The following CADPS variants were observed in gnomAD, a reference collection of about 807,000 sequenced individuals.
CADPS encodes the protein calcium dependent secretion activator.
A neutral mutation model predicts 167.3 loss-of-function variants in CADPS; 57 were observed. The observed-to-expected ratio is 0.34, with a 90% CI of 0.28 to 0.42. The LOEUF (loss-of-function observed/expected upper bound fraction) is 0.42, where lower values mean the gene tolerates loss of function less well. CADPS is among the 20% of genes least tolerant of loss of function. CADPS has a pLI of 1.00. For missense variants in CADPS, 1,414 were observed against 1,738.1 expected, an observed-to-expected ratio of 0.81 and a Z score of 3.32; for synonymous variants, 676 against 635.3, an observed-to-expected ratio of 1.06 and a Z score of -0.96.
intron 17 of CADPS, among the ~76,000 whole-genome samples, chr3:62,509,854 T>C (rs1387722149): frequency 6.6e-6 from 1 of 152,138 alleles, no homozygotes; most frequent in Non-Finnish European, 1.5e-5. Flanking sequence ...AGGCAAAAAG[T>C]CTACATGGTA....
rs1290511027 is a variant in CADPS at position 62,651,072 on chromosome 3, T to C, written c.978A>G (p.Lys326=). 6 of 1,611,644 alleles carry C rather than the reference T, an allele frequency of 3.7e-6. No homozygotes were observed. Among genetic ancestry groups the C allele is most frequent in the Non-Finnish European group, 4.2e-6 (5 of 1,178,392 alleles). ...TTTCTTTGGATACAAACTTGGGAAA[T>C]TTGCGTTCCTTGGGAAGAAAAAGAA... ...QMADQIARER[K]FPKFVSKEME... is the part of the protein sequence containing the mutation. Residue 326 remains lysine, a synonymous_variant, in exon 5 of 30, where the codon AAA becomes AAG. Transcript: ENST00000383710.
chr3:62,407,895 G>A (rs146539947), intron 28 of CADPS, among the ~76,000 whole-genome samples: 1,841 of 152,128 alleles, frequency 0.012, 17 homozygotes, highest in Non-Finnish European at 0.019. Flanking sequence ...CACCATGTCC[G>A]GCTAATTTTT....
At chr3:62,672,836 T>C (rs1277302779) in intron 3 of CADPS, among the ~76,000 whole-genome samples, 1 of 152,112 alleles carries the variant, frequency 6.6e-6, no homozygotes, top group Non-Finnish European at 1.5e-5. Context: ...CCCAGGCTGG[T>C]CTTGAACCCC....
In CADPS at chr3:62,570,856, T is replaced by C; in HGVS notation, c.1644+16A>G. On this transcript the variant is annotated intron_variant, in intron 9 of 29. Coordinates refer to ENST00000383710, the MANE Select transcript of CADPS (RefSeq NM_003716.4). ...CTTTAATACTGATGTCTCTTAAGAG[T>C]TGAAGAGTTAGTTACCTGCACCAAT... 2 of 1,550,392 alleles carry C rather than the reference T, an allele frequency of 1.3e-6. No homozygotes were observed. Among genetic ancestry groups the C allele is most frequent in the Middle Eastern group, 1.7e-4 (1 of 5,954 alleles).
intron 6 of CADPS, among the ~76,000 whole-genome samples, chr3:62,641,305 G>T (rs2149961117): frequency 6.6e-6 from 1 of 152,224 alleles, no homozygotes; most frequent in Non-Finnish European, 1.5e-5. Flanking sequence ...TGTTCTCCTT[G>T]ACCTGATCAG....
chr3:62,726,890 T>C (rs509293), intron 3 of CADPS, among the ~76,000 whole-genome samples: 1 of 151,288 alleles, frequency 6.6e-6, no homozygotes, highest in African/African-American at 2.5e-5. Context: ...CATTTGGGAG[T>C]TACATGGACT....
intron 27 of CADPS, among the ~76,000 whole-genome samples, chr3:62,442,144 C>T (rs1421561131): frequency 1.3e-5 from 2 of 148,310 alleles, no homozygotes; most frequent in East Asian, 2.0e-4. Flanking sequence ...CCAAGTATTG[C>T]TGCTGTACAT....
chr3:62,591,306 T>C (rs531250311), intron 7 of CADPS, among the ~76,000 whole-genome samples: 4 of 152,166 alleles, frequency 2.6e-5, no homozygotes, highest in Admixed American at 1.3e-4. Context: ...CTTTCTCTCA[T>C]TGGTGATCAC....
At chr3:62,720,337 G>T (rs1206301495) in intron 3 of CADPS, among the ~76,000 whole-genome samples, 49 of 137,746 alleles carry the variant, frequency 3.6e-4, no homozygotes, top group Admixed American at 2.2e-3. Context: ...TTGTTTGTTT[G>T]TTTGTTTTTT....
At chr3:62,737,642 C>T (rs920250875) in intron 3 of CADPS, among the ~76,000 whole-genome samples, 6 of 152,172 alleles carry the variant, frequency 3.9e-5, no homozygotes, top group African/African-American at 1.4e-4. Flanking sequence ...TGAGGTATGG[C>T]CTAAGATAGC....
chr3:62,584,761 G>C (rs2084211608), intron 8 of CADPS, among the ~76,000 whole-genome samples: 1 of 152,112 alleles, frequency 6.6e-6, no homozygotes, highest in Admixed American at 6.5e-5. Context: ...TATTAAATGT[G>C]AGTTGATTGA....
intron 17 of CADPS, among the ~76,000 whole-genome samples, chr3:62,510,709 A>G (rs562194191): frequency 2.2e-4 from 34 of 152,226 alleles, no homozygotes; most frequent in Middle Eastern, 6.8e-3. Context: ...AGTCCCCAGT[A>G]TTCTACCCAC....
At chr3:62,827,774 G>A (rs564112320) in intron 1 of CADPS, among the ~76,000 whole-genome samples, 1 of 152,188 alleles carries the variant, frequency 6.6e-6, no homozygotes, top group East Asian at 1.9e-4. Context: ...TTTTAAAAGA[G>A]GGAGATTACA....
chr3:62,686,481 T>A (rs2078055567), intron 3 of CADPS, among the ~76,000 whole-genome samples: 1 of 152,094 alleles, frequency 6.6e-6, no homozygotes, highest in Non-Finnish European at 1.5e-5. Flanking sequence ...CTTGAATTTC[T>A]GAAGTTTTTC....
At chr3:62,806,741 A>G (rs77035047) in intron 1 of CADPS, among the ~76,000 whole-genome samples, 1 of 152,240 alleles carries the variant, frequency 6.6e-6, no homozygotes, top group East Asian at 1.9e-4. Context: ...ATTAACCTCA[A>G]TTGCAAACCA....
At chr3:62,813,205 C>T (rs916343951) in intron 1 of CADPS, among the ~76,000 whole-genome samples, 1 of 152,036 alleles carries the variant, frequency 6.6e-6, no homozygotes, top group African/African-American at 2.4e-5. Context: ...CATTACCTGA[C>T]CTCACACTAT....
intron 3 of CADPS, among the ~76,000 whole-genome samples, chr3:62,681,645 G>C (rs1288692384): frequency 6.6e-6 from 1 of 152,014 alleles, no homozygotes. Context: ...TGAAATAAAT[G>C]GTGGGCAAGA....
chr3:62,657,097 G>T (rs1433053388), intron 4 of CADPS, among the ~76,000 whole-genome samples: 1 of 152,186 alleles, frequency 6.6e-6, no homozygotes, highest in Non-Finnish European at 1.5e-5. Context: ...TAGTTTGAAA[G>T]TTGGGGGTTA....
intron 13 of CADPS, among the ~76,000 whole-genome samples, chr3:62,520,185 A>G (rs1242673561): frequency 6.6e-6 from 1 of 152,240 alleles, no homozygotes; most frequent in Non-Finnish European, 1.5e-5. Context: ...TGTGGTCATT[A>G]TTAGGAGATA....
Sources: gnomAD v4.1 joint callset for allele counts (sites outside exome capture counted in the v4.1 genomes callset) on GRCh38, gnomAD v4.1.1 for gene constraint, MANE v1.5 for transcripts, NCBI Gene and HGNC (gene_info 2026-07-23, HGNC 2026-07-21) for gene names.